Variants in MYT1L observed in about 807,000 individuals in gnomAD.
MYT1L encodes myelin transcription factor 1-like protein.
Under a neutral mutation model 126.7 loss-of-function variants are expected in MYT1L, and 12 were observed. That is an observed-to-expected ratio of 0.09 (90% CI 0.06 to 0.15). The LOEUF is 0.15. MYT1L is among the 10% of genes least tolerant of loss of function. The probability of loss-of-function intolerance (pLI) is 1.00; values close to 1 mark genes in which losing one functional copy is unlikely to be tolerated. For missense variants in MYT1L, 979 were observed against 1,585.2 expected, an observed-to-expected ratio of 0.62 and a Z score of 6.49; for synonymous variants, 541 against 604.2, an observed-to-expected ratio of 0.90 and a Z score of 1.53.
At chr2:2,049,829 A>G (rs954451255) in intron 4 of MYT1L, among the ~76,000 whole-genome samples, 3 of 152,276 alleles carry the variant, frequency 2.0e-5, no homozygotes, top group East Asian at 1.9e-4. Flanking sequence ...GCCTTCTGCC[A>G]TGATTGTGAG....
At chr2:2,317,108 T>C (rs1028140297) in intron 1 of MYT1L, among the ~76,000 whole-genome samples, 1 of 152,094 alleles carries the variant, frequency 6.6e-6, no homozygotes, top group Non-Finnish European at 1.5e-5. Context: ...CGAGCCACCA[T>C]GCCCGGCCAG....
intron 5 of MYT1L, among the ~76,000 whole-genome samples, chr2:1,988,241 C>T (rs992173130): frequency 2.0e-4 from 30 of 152,184 alleles, no homozygotes; most frequent in Admixed American, 1.4e-3. Flanking sequence ...GCTGCACCTC[C>T]GGGGTGGAGA....
intron 2 of MYT1L, among the ~76,000 whole-genome samples, chr2:2,235,776 A>G (rs1311111360): frequency 6.6e-6 from 1 of 152,228 alleles, no homozygotes; most frequent in South Asian, 2.1e-4. Flanking sequence ...TTGTGAATTC[A>G]TAGTGTTTTA....
Position 2,089,084 on chromosome 2 carries a change from T to C in MYT1L, c.-303-34961A>G, listed in dbSNP as rs555381002. ...ATCAGTAGAACAGATCTACAAAAAC[T>C]GATTTCACAAAAAAGAAAGGAGCCC... On this transcript the variant is annotated intron_variant, in intron 3 of 24. Coordinates refer to ENST00000647738, the MANE Select transcript of MYT1L (RefSeq NM_001303052.2). Among the ~76,000 whole-genome samples the C allele has an allele frequency of 1.9e-4, 29 of 152,300 alleles. No homozygotes were observed. In the East Asian group the frequency reaches 5.2e-3, roughly 27 times the overall value.
rs1325129685 is a variant in MYT1L at position 1,852,367 on chromosome 2, A to T, written c.2712-664T>A. On this transcript the variant is annotated intron_variant, in intron 18 of 24. Coordinates refer to ENST00000647738, the MANE Select transcript of MYT1L (RefSeq NM_001303052.2). This position sits in a 1 kb window ranked among gnomAD's most constrained non-coding sequence, Gnocchi z 4.0. ...TAAATCAGTTCAGATCCACCAGGTC[A>T]GTCAGTGGAGAGGCTCTGAACAGTT... 1.3e-5 allele frequency among the ~76,000 whole-genome samples: 2 copies of T among 152,226 alleles called. No homozygotes were observed. Among genetic ancestry groups the T allele is most frequent in the East Asian group, 3.9e-4 (2 of 5,192 alleles).
intron 2 of MYT1L, among the ~76,000 whole-genome samples, chr2:2,193,159 G>A (rs571286590): frequency 6.6e-6 from 1 of 151,946 alleles, no homozygotes; most frequent in Middle Eastern, 3.2e-3. Context: ...TATATTTTTA[G>A]TAGAGACGGG....
intron 4 of MYT1L, among the ~76,000 whole-genome samples, chr2:2,001,237 C>G (rs1371058717): frequency 9.6e-6 from 1 of 103,910 alleles, no homozygotes. Flanking sequence ...TTGGTTTTAG[C>G]TTTTTTTTTT....
rs1372916475 is a variant in MYT1L, at chr2:1,811,337, G to A, written c.3081-2170C>T. 6.6e-6 allele frequency: 1 copy of A among 150,700 alleles called. No homozygotes were observed. The highest frequency in any genetic ancestry group is 1.5e-5 in the Non-Finnish European group (1 of 68,026). 9.3% of individuals were successfully genotyped at this position (150,700 alleles called of 1,614,324 possible). A position where few individuals can be genotyped will look rare whatever the true frequency, so the allele number is the denominator to read the frequency against. Reference sequence around the variant, plus strand: ...TAGGTTCAGTGGGAGAAGGAGCAGCGGGGACTTTAACCCCAGCGTCATCAG... The same window carrying A: ...TAGGTTCAGTGGGAGAAGGAGCAGCAGGGACTTTAACCCCAGCGTCATCAG... On this transcript the variant is annotated intron_variant, in intron 21 of 24. Coordinates refer to ENST00000647738, the MANE Select transcript of MYT1L (RefSeq NM_001303052.2). The surrounding 1 kb of genome is among the most constrained non-coding windows in gnomAD (Gnocchi z 4.4).
At chr2:1,809,265 T>G (rs2147991720) in intron 21 of MYT1L, 98 bp from the exon 22 acceptor site, 1 of 1,193,904 alleles carries the variant, frequency 8.4e-7, no homozygotes, top group Non-Finnish European at 1.2e-6. Flanking sequence ...CATTATTAGG[T>G]TGGTTGCCAG....
chr2:2,190,990 G>T (rs2092561214), intron 2 of MYT1L, among the ~76,000 whole-genome samples: 2 of 152,204 alleles, frequency 1.3e-5, no homozygotes, highest in South Asian at 4.1e-4. Flanking sequence ...TCTCCATGTT[G>T]GTCAGGCAGG....
chr2:2,223,294 G>A (rs1559381698), intron 2 of MYT1L, among the ~76,000 whole-genome samples: 1 of 152,130 alleles, frequency 6.6e-6, no homozygotes, highest in South Asian at 2.1e-4. Context: ...AGACCAACTA[G>A]TTTGTCCCTT....
chr2:1,949,534 A>G (rs2057550737), intron 8 of MYT1L, among the ~76,000 whole-genome samples: 1 of 152,216 alleles, frequency 6.6e-6, no homozygotes, highest in Non-Finnish European at 1.5e-5. Flanking sequence ...GTTGCTGGCC[A>G]TGGCTTTCCC....
chr2:2,093,468 T>A (rs1040005075), intron 3 of MYT1L, among the ~76,000 whole-genome samples: 14 of 152,212 alleles, frequency 9.2e-5, no homozygotes, highest in African/African-American at 2.7e-4. Flanking sequence ...TCATGTGTCT[T>A]TTGGCTGCAT....
chr2:1,846,829 G>A lies in MYT1L; in HGVS notation c.2774+4812C>T, dbSNP rs187381057. Reference sequence around the variant, plus strand: ...GGCAGATACTGACAGGGTTGGACAAGCACCACCTTACAAGGTTCCCAAGGC... The same window carrying A: ...GGCAGATACTGACAGGGTTGGACAAACACCACCTTACAAGGTTCCCAAGGC... On this transcript the variant is annotated intron_variant, in intron 19 of 24. Coordinates refer to ENST00000647738, the MANE Select transcript of MYT1L (RefSeq NM_001303052.2). 4.6e-5 allele frequency among the ~76,000 whole-genome samples: 7 copies of A among 152,322 alleles called. No homozygotes were observed. In the East Asian group the frequency reaches 1.2e-3, roughly 25 times the overall value.
intron 23 of MYT1L, among the ~76,000 whole-genome samples, chr2:1,800,632 G>GT (rs1558593198): frequency 6.6e-6 from 1 of 152,182 alleles, no homozygotes; most frequent in African/African-American, 2.4e-5. Flanking sequence ...GAGCAGAGCC[G>GT]TTGACCACAC....
intron 2 of MYT1L, among the ~76,000 whole-genome samples, chr2:2,208,561 A>T (rs912627848): frequency 6.6e-6 from 1 of 152,262 alleles, no homozygotes; most frequent in Admixed American, 6.5e-5. Flanking sequence ...ATATACTGAC[A>T]TACTGTAATA....
At chr2:1,867,744 G>A (rs1407507792) in intron 18 of MYT1L, among the ~76,000 whole-genome samples, 1 of 152,126 alleles carries the variant, frequency 6.6e-6, no homozygotes, top group South Asian at 2.1e-4. Context: ...TTGCCGATTA[G>A]ATATAGATAT....
At chr2:1,995,799 G>A (rs960407499) in intron 5 of MYT1L, among the ~76,000 whole-genome samples, 26 of 152,300 alleles carry the variant, frequency 1.7e-4, no homozygotes, top group South Asian at 6.2e-4. Context: ...GGAGGCCAGC[G>A]TGTAGTGGGA....
chr2:2,320,261 G>T (rs1239341824), intron 1 of MYT1L, among the ~76,000 whole-genome samples: 1 of 151,940 alleles, frequency 6.6e-6, no homozygotes, highest in East Asian at 1.9e-4. Context: ...GGGGATGAGG[G>T]TCTTGGTGTT....
Sources: allele counts gnomAD v4.1 joint callset (sites outside exome capture counted in the v4.1 genomes callset), GRCh38; gene constraint gnomAD v4.1.1; non-coding constraint Gnocchi (gnomAD v3.1); transcripts MANE v1.5; gene names NCBI Gene and HGNC (gene_info 2026-07-23, HGNC 2026-07-21).